DOCK9: variants seen among roughly 807,000 people sequenced by gnomAD.
DOCK9 encodes dedicator of cytokinesis 9, also known as dedicator of cytokinesis protein 9.
In DOCK9, 89 loss-of-function variants were observed where a neutral mutation model predicts 263.3. The ratio of observed to expected loss-of-function variants is 0.34; its 90% CI spans 0.28 to 0.40. The LOEUF (loss-of-function observed/expected upper bound fraction) is 0.40, where lower values mean the gene tolerates loss of function less well. Ranked by LOEUF, DOCK9 falls within the 10% of genes least tolerant of loss-of-function variation. The pLI, the probability that DOCK9 is intolerant of heterozygous loss-of-function variation, is 1.00. For missense variants in DOCK9, 2,140 were observed against 2,603.4 expected, an observed-to-expected ratio of 0.82 and a Z score of 3.87; for synonymous variants, 976 against 973.1, an observed-to-expected ratio of 1.00 and a Z score of -0.06.
rs1272031151 is a variant in DOCK9 at position 98,810,207 on chromosome 13, G to A, written c.5215C>T (p.Leu1739Phe). ...CGCTTCTCATAAATGGGGATGATAA[G>A]TTTGTAGATGTCGGCGATGAGCTCG... Reference protein sequence around the residue: ...RYELIADIYKLIIPIYEKRRD... With the variant: ...RYELIADIYKFIIPIYEKRRD... Residue 1739 changes from leucine (L) to phenylalanine (F), a missense_variant, in exon 46 of 53, where the codon CTT becomes TTT. Physicochemically the swap from Leu to Phe is conservative, Grantham distance 22 (BLOSUM62 0). Around this residue, in one of 2 missense-constraint regions of DOCK9, gnomAD observed 619 missense variants for 861.8 expected, o/e 0.72. Transcript: ENST00000682017. The A allele has an allele frequency of 1.2e-6, 2 of 1,613,962 alleles. No homozygotes were observed. The highest frequency in any genetic ancestry group is 1.3e-5 in the African/African-American group (1 of 75,056).
intron 1 of DOCK9, among the ~76,000 whole-genome samples, chr13:99,050,144 G>A (rs959486374): frequency 6.6e-6 from 1 of 152,122 alleles, no homozygotes; most frequent in African/African-American, 2.4e-5. Context: ...TGGACAGCAA[G>A]TAAAAACAAA....
At chr13:98,937,021 T>C (rs2054961724) in intron 2 of DOCK9, among the ~76,000 whole-genome samples, 1 of 152,236 alleles carries the variant, frequency 6.6e-6, no homozygotes, top group Non-Finnish European at 1.5e-5. Context: ...TCTTTTCTAC[T>C]TTTCTATCAG....
chr13:98,936,015 C>T (rs1167078159), intron 2 of DOCK9, among the ~76,000 whole-genome samples: 3 of 152,148 alleles, frequency 2.0e-5, no homozygotes, highest in Non-Finnish European at 2.9e-5. Context: ...GTATTCTGAT[C>T]TGCTTGTGAA....
chr13:98,918,228 C>T (rs1854925883), intron 7 of DOCK9, among the ~76,000 whole-genome samples: 3 of 152,094 alleles, frequency 2.0e-5, no homozygotes, highest in Non-Finnish European at 2.9e-5. Context: ...TGAATTGCAG[C>T]ACAGGAAGGG....
At chr13:98,831,813 T>C (rs1325335480) in intron 39 of DOCK9, 27 bp from the exon 40 acceptor site, 3 of 1,610,700 alleles carry the variant, frequency 1.9e-6, no homozygotes, top group Non-Finnish European at 1.7e-6. Context: ...ACGGCTTTGT[T>C]AGACATACCA....
At chr13:98,945,508 C>T (rs1476239814) in intron 2 of DOCK9, among the ~76,000 whole-genome samples, 2 of 152,048 alleles carry the variant, frequency 1.3e-5, no homozygotes, top group Non-Finnish European at 2.9e-5. Context: ...TCTTCTTTTC[C>T]CAGTCCAGGG....
intron 37 of DOCK9, among the ~76,000 whole-genome samples, chr13:98,848,330 G>A (rs969099004): frequency 4.6e-5 from 7 of 152,156 alleles, no homozygotes; most frequent in East Asian, 1.9e-4. Flanking sequence ...GAGTTTGGAC[G>A]AGAGGATGGA....
At chr13:99,003,454 T>C (rs931337698) in intron 1 of DOCK9, among the ~76,000 whole-genome samples, 10 of 152,134 alleles carry the variant, frequency 6.6e-5, no homozygotes, top group Non-Finnish European at 1.2e-4. Flanking sequence ...GACATCTGTC[T>C]GTGCTGGGAT....
At chr13:98,895,830 C>T (rs1387870349) in intron 15 of DOCK9, among the ~76,000 whole-genome samples, 1 of 152,008 alleles carries the variant, frequency 6.6e-6, no homozygotes, top group Non-Finnish European at 1.5e-5. Flanking sequence ...AAATAGGGTA[C>T]TATTCTTTTA....
chr13:98,883,928 C>A, intron 21 of DOCK9, 29 bp from the exon 22 acceptor site: 4 of 1,506,566 alleles, frequency 2.7e-6, no homozygotes, highest in Non-Finnish European at 3.6e-6. Context: ...AAACAATATC[C>A]CTACAGATTA....
intron 1 of DOCK9, among the ~76,000 whole-genome samples, chr13:99,071,306 C>CTTTTTTTGTTTTTTTTTTTTTTTTTTT (rs2041663286): frequency 2.0e-5 from 1 of 49,320 alleles, no homozygotes; most frequent in Non-Finnish European, 3.4e-5. Flanking sequence ...CCATGCCTGG[C>CTTTTTTTGTTTTTTTTTTTTTTTTTTT]TTTTTTTTTT....
intron 2 of DOCK9, among the ~76,000 whole-genome samples, chr13:98,942,400 G>A (rs1287043711): frequency 3.9e-5 from 6 of 151,908 alleles, no homozygotes; most frequent in Middle Eastern, 3.4e-3. Context: ...CACCACGCCC[G>A]GCTAATTTTT....
In DOCK9 at chr13:98,970,418, G is replaced by A. The variant is rs555151015; in HGVS notation, c.126+7366C>T. Among the ~76,000 whole-genome samples the A allele has an allele frequency of 5.9e-5, 9 of 152,340 alleles. No individual in the cohort carries two copies. In the South Asian group the frequency reaches 1.7e-3, roughly 28 times the overall value. ...AACCTTCAGAGATGGGGGATCTGGAGGGCAGCCACTGCTACTACCTCTGTC... is the reference window on the plus strand; with the variant it reads ...AACCTTCAGAGATGGGGGATCTGGAAGGCAGCCACTGCTACTACCTCTGTC... On this transcript the variant is annotated intron_variant, in intron 1 of 52. Coordinates refer to ENST00000682017, the MANE Select transcript of DOCK9 (RefSeq NM_001366683.2).
chr13:98,881,837 G>A (rs1419435588), intron 24 of DOCK9, 55 bp downstream of exon 24: 4 of 1,444,550 alleles, frequency 2.8e-6, no homozygotes, highest in Non-Finnish European at 1.9e-6. Context: ...GCATGACTAT[G>A]CTCCAGATGT....
intron 1 of DOCK9, among the ~76,000 whole-genome samples, chr13:98,986,560 A>G (rs1467514037): frequency 6.6e-6 from 1 of 152,238 alleles, no homozygotes; most frequent in African/African-American, 2.4e-5. Context: ...AATCATCTGG[A>G]AGTCCCCTCT....
intron 2 of DOCK9, among the ~76,000 whole-genome samples, chr13:98,951,860 C>T (rs1291492554): frequency 6.6e-6 from 1 of 151,474 alleles, no homozygotes; most frequent in African/African-American, 2.4e-5. Context: ...ATTCCTGTCC[C>T]TGGCCATGGC....
chr13:98,967,497 T>A (rs1477338082), intron 1 of DOCK9, among the ~76,000 whole-genome samples: 1 of 152,244 alleles, frequency 6.6e-6, no homozygotes, highest in Non-Finnish European at 1.5e-5. Flanking sequence ...GGTTGATCCT[T>A]GGGTCTCCTG....
intron 33 of DOCK9, chr13:98,859,788 T>C (rs2093809549): frequency 6.8e-6 from 1 of 146,724 alleles, no homozygotes; most frequent in South Asian, 2.2e-4. Flanking sequence ...CTGCTATCTC[T>C]GAGGAAAAGC....
chr13:99,008,237 T>TTTTTC (rs1567201445), intron 1 of DOCK9, among the ~76,000 whole-genome samples: 6 of 128,274 alleles, frequency 4.7e-5, no homozygotes, highest in African/African-American at 1.9e-4. Context: ...TATATATATT[T>TTTTTC]TTTTTTTTTT....
Sources: allele counts gnomAD v4.1 joint callset (sites outside exome capture counted in the v4.1 genomes callset), GRCh38; gene constraint gnomAD v4.1.1; regional missense constraint gnomAD v4.1.1; transcripts MANE v1.5; gene names NCBI Gene and HGNC (gene_info 2026-07-23, HGNC 2026-07-21).